Variants in EPHA10 observed in about 807,000 individuals in gnomAD.
The protein encoded by EPHA10 is EPH receptor A10.
A neutral mutation model predicts 109.7 loss-of-function variants in EPHA10; 120 were observed. That is an observed-to-expected ratio of 1.09 (90% CI 0.94 to 1.27). The LOEUF (loss-of-function observed/expected upper bound fraction) is 1.27, where lower values mean the gene tolerates loss of function less well. Ranked by LOEUF, EPHA10 falls within the 50% of genes most tolerant of loss-of-function variation. The pLI is 0.00. For missense variants in EPHA10, 1,396 were observed against 1,411.1 expected (o/e 0.99, Z 0.17); for synonymous variants, 640 against 618.9 (o/e 1.03, Z -0.51).
chr1:37,714,673 C>T (rs914221647), downstream of EPHA10: 3 of 152,192 alleles, frequency 2.0e-5, no homozygotes, highest in Non-Finnish European at 4.4e-5. Flanking sequence ...TTAGGGTGGG[C>T]TGGTATGGAC....
chr1:37,754,383 G>A lies in EPHA10; in HGVS notation c.851-13C>T, dbSNP rs34307995. On this transcript the variant is annotated splice_polypyrimidine_tract_variant and intron_variant, in intron 3 of 16. Transcript: ENST00000373048. This position sits in a 1 kb window ranked among gnomAD's most constrained non-coding sequence, Gnocchi z 4.5. ...CCTGGGGGACAGGCTGCAGGGCATGGCTGGTGAGAAGAGGGGGCTCCTCCA... is the reference window on the plus strand; with the variant it reads ...CCTGGGGGACAGGCTGCAGGGCATGACTGGTGAGAAGAGGGGGCTCCTCCA... The A allele has an allele frequency of 0.031, 40,142 of 1,294,774 alleles. 695 individuals are homozygous for A. Among genetic ancestry groups the A allele is most frequent in the Non-Finnish European group, 0.035 (35,131 of 1,016,378 alleles). The allele number at this position is 1,294,774 out of a possible 1,614,324, so 80.2% of individuals were successfully genotyped here. A position where few individuals can be genotyped will look rare whatever the true frequency, so the allele number is the denominator to read the frequency against.
downstream of EPHA10, chr1:37,713,973 A>G (rs982836359): frequency 1.3e-5 from 2 of 152,210 alleles, no homozygotes. Flanking sequence ...GGCACAACAT[A>G]GTTGGCTGTG....
At position 37,765,004 on chromosome 1, in the gene EPHA10, G is replaced by T. The variant is rs753433742; in HGVS notation, c.63C>A (p.Leu21=). ...GCCGCCAGGGTCCCAAAAGCAGCGC[G>T]AGACAGAGCTGCATCCGGCAGAGGA... is the stretch of plus-strand genomic sequence containing the variant. ...RLFLCRMQLC[L]ALLLGPWRPG... is the part of the protein sequence containing the mutation. The change falls in exon 1 of 17, where the codon CTC becomes CTA. Residue 21 remains leucine (L), a synonymous_variant. Coordinates refer to ENST00000373048, the MANE Select transcript of EPHA10 (RefSeq NM_001099439.2). 12 of 1,611,052 alleles carry T rather than the reference G, an allele frequency of 7.4e-6. No individual in the cohort carries two copies. Among genetic ancestry groups the T allele is most frequent in the Non-Finnish European group, 1.0e-5 (12 of 1,179,424 alleles).
rs12405650 is a variant in EPHA10, at chr1:37,723,068, C to T, written c.1933G>A (p.Val645Ile). 133,853 of 1,613,986 alleles carry T rather than the reference C, an allele frequency of 0.083. 6,174 individuals are homozygous for T. Among genetic ancestry groups the T allele is most frequent in the Middle Eastern group, 0.1 (621 of 6,060 alleles). The change falls in exon 10 of 17, where the codon GTC becomes ATC. Residue 645 changes from valine (V) to isoleucine (I), a missense_variant. Val to Ile is a conservative substitution (Grantham distance 29). Coordinates refer to ENST00000373048, the MANE Select transcript of EPHA10 (RefSeq NM_001099439.2). Reference sequence around the variant, plus strand: ...CCTCCAAGGCTCCTCTCCAGCGTGACGCTTTTCGCATCCAGTTCCTTGGCG... The same window carrying T: ...CCTCCAAGGCTCCTCTCCAGCGTGATGCTTTTCGCATCCAGTTCCTTGGCG... The part of the protein sequence containing the change: ...LFAKELDAKS[V>I]TLERSLGGGR...
intron 5 of EPHA10, 21 bp downstream of exon 5, chr1:37,752,855 G>C: frequency 8.0e-7 from 1 of 1,252,144 alleles, no homozygotes; most frequent in Non-Finnish European, 1.0e-6. Flanking sequence ...GCCTCGGGGT[G>C]GGGGGCGCGG....
At chr1:37,714,872 GC>G (rs1645669590), downstream of EPHA10, 1 of 152,272 alleles carries the variant, frequency 6.6e-6, no homozygotes, top group South Asian at 2.1e-4. Context: ...AGCCTCCAGA[GC>G]TGTGGGACAG....
rs942904555 is a variant in EPHA10 at position 37,718,743 on chromosome 1, C to T, written c.2830G>A (p.Ala944Thr). The T allele has an allele frequency of 6.2e-7, 1 of 1,613,124 alleles. No individual in the cohort carries two copies. Among genetic ancestry groups the T allele is most frequent in the Non-Finnish European group, 8.5e-7 (1 of 1,179,996 alleles). Residue 944 changes from alanine (A) to threonine (T), a missense_variant, in exon 16 of 17, where the codon GCC becomes ACC. Physicochemically the swap from Ala to Thr is moderately conservative, Grantham distance 58. Coordinates refer to ENST00000373048, the MANE Select transcript of EPHA10 (RefSeq NM_001099439.2). ...SFGSVGAWLE[A>T]LDLCRYKDSF... ...TCCTTGTAGCGGCACAGGTCCAGGG[C>T]CTCCAGCCACGCGCCCACAGAGCCA...
At chr1:37,759,739 T>C (rs1250948887) in intron 3 of EPHA10, among the ~76,000 whole-genome samples, 1 of 151,184 alleles carries the variant, frequency 6.6e-6, no homozygotes, top group Non-Finnish European at 1.5e-5. Context: ...ACTATGATCA[T>C]ACCTATGAAT....
At chr1:37,719,300 G>C (rs977264840) in intron 15 of EPHA10, 114 bp downstream of exon 15, 2 of 1,254,400 alleles carry the variant, frequency 1.6e-6, no homozygotes, top group African/African-American at 1.5e-5. Context: ...GCAATGGGGT[G>C]AACAATTGCT....
At position 37,761,868 on chromosome 1, in the gene EPHA10, G is replaced by A; in HGVS notation, c.387C>T (p.Tyr129=). The A allele has an allele frequency of 6.2e-7, 1 of 1,612,556 alleles. No individual in the cohort carries two copies. Among genetic ancestry groups the A allele is most frequent in the Non-Finnish European group, 8.5e-7 (1 of 1,178,968 alleles). The change falls in exon 3 of 17, where the codon TAC becomes TAT. Residue 129 remains tyrosine (Y), a synonymous_variant. Transcript: ENST00000373048. ...CCAGGTCGGCCTCAGTTTCCAGGTA[G>A]TAGACGTTGAAGGTCTCCTTGCAGG... ...AGTCKETFNV[Y]YLETEADLGR... is the part of the protein sequence containing the mutation.
chr1:37,719,507 C>T lies in EPHA10; in HGVS notation c.2663G>A (p.Gly888Asp), dbSNP rs375262595. 3 of 1,613,946 alleles carry T rather than the reference C, an allele frequency of 1.9e-6. No individual in the cohort carries two copies. Among genetic ancestry groups the T allele is most frequent in the Non-Finnish European group, 2.5e-6 (3 of 1,180,028 alleles). Residue 888 changes from glycine to aspartate, a missense_variant, in exon 15 of 17, where the codon GGT becomes GAT. Gly to Asp is a moderately conservative substitution (Grantham distance 94). Transcript: ENST00000373048. ...GATCTGGGAGAACCTGGGCCGCTCA[C>T]CTGGGTCCTTCTGCCAGCAGTCGAG... ...LMLDCWQKDP[G>D]ERPRFSQIHS... is the part of the protein sequence containing the mutation.
chr1:37,761,337 G>C, intron 3 of EPHA10, 68 bp downstream of exon 3: 2 of 1,573,564 alleles, frequency 1.3e-6, no homozygotes, highest in Non-Finnish European at 1.7e-6. Flanking sequence ...TTCCTCTAGG[G>C]CACACTCTCT....
At chr1:37,760,255 C>T (rs1646420052) in intron 3 of EPHA10, 5 of 1,022,040 alleles carry the variant, frequency 4.9e-6, no homozygotes, top group South Asian at 4.6e-5. Flanking sequence ...TGCCCTGGCA[C>T]CCAGAAAAGG....
chr1:37,736,757 G>T (rs899593291), intron 5 of EPHA10, among the ~76,000 whole-genome samples: 2 of 152,016 alleles, frequency 1.3e-5, no homozygotes, highest in African/African-American at 2.4e-5. Flanking sequence ...CAGCAAAGTT[G>T]CAAAATACAA....
At chr1:37,735,146 G>C in intron 6 of EPHA10, 111 bp downstream of exon 6, 1 of 1,416,456 alleles carries the variant, frequency 7.1e-7, no homozygotes, top group East Asian at 2.5e-5. Context: ...GGGTGGTTAT[G>C]TTTACAAAGG....
intron 6 of EPHA10, chr1:37,734,713 A>C (rs1476080422): frequency 2.3e-6 from 1 of 442,676 alleles, no homozygotes; most frequent in East Asian, 7.1e-5. Context: ...GGCCATATGG[A>C]GTTCACAATC....
At chr1:37,744,122 C>G (rs1646195114) in intron 5 of EPHA10, among the ~76,000 whole-genome samples, 1 of 152,160 alleles carries the variant, frequency 6.6e-6, no homozygotes, top group Non-Finnish European at 1.5e-5. Context: ...AAAGAAAACA[C>G]AGAAATGTTA....
At chr1:37,722,336 C>T (rs1645811832) in intron 10 of EPHA10, 2 of 226,914 alleles carry the variant, frequency 8.8e-6, no homozygotes, top group Non-Finnish European at 9.1e-6. Flanking sequence ...ACGCCGACTG[C>T]CATCAAACCC....
rs1281558467 is a variant in EPHA10 at position 37,716,667 on chromosome 1, G to A, written c.*1705C>T. Reference sequence around the variant, plus strand: ...TCTGGGTGCTCTGCAAAGAGGCACTGCACCTTCCCGCCTCTGGGCTCTTTC... The same window carrying A: ...TCTGGGTGCTCTGCAAAGAGGCACTACACCTTCCCGCCTCTGGGCTCTTTC... On this transcript the variant is annotated 3_prime_UTR_variant, in exon 17 of 17. Coordinates refer to ENST00000373048, the MANE Select transcript of EPHA10 (RefSeq NM_001099439.2). 8.6e-6 allele frequency: 2 copies of A among 232,500 alleles called. No homozygotes were observed. Among genetic ancestry groups the A allele is most frequent in the Non-Finnish European group, 1.7e-5 (2 of 117,702 alleles). The allele number at this position is 232,500 out of a possible 1,614,324, so 14.4% of individuals were successfully genotyped here. A position where few individuals can be genotyped will look rare whatever the true frequency, so the allele number is the denominator to read the frequency against.
Sources: allele counts gnomAD v4.1 joint callset (sites outside exome capture counted in the v4.1 genomes callset), GRCh38; gene constraint gnomAD v4.1.1; non-coding constraint Gnocchi (gnomAD v3.1); transcripts MANE v1.5; gene names NCBI Gene and HGNC (gene_info 2026-07-23, HGNC 2026-07-21).